NEURL4: variants seen among roughly 807,000 people sequenced by gnomAD.
The protein encoded by NEURL4 is neuralized-like protein 4.
Under a neutral mutation model 148.0 loss-of-function variants are expected in NEURL4, and 45 were observed. The observed-to-expected ratio is 0.30, with a 90% confidence interval of 0.24 to 0.39. NEURL4 has a LOEUF of 0.39. NEURL4 is among the 10% of genes least tolerant of loss of function. The pLI, the probability that NEURL4 is intolerant of heterozygous loss-of-function variation, is 1.00. For synonymous variants in NEURL4, 854 were observed against 869.0 expected (o/e 0.98, Z 0.30); for missense variants, 1,776 against 2,144.0 (o/e 0.83, Z 3.39).
rs754760577 is a variant in NEURL4, at chr17:7,324,767, C to G, written c.1813+32G>C. On this transcript the variant is annotated intron_variant, in intron 9 of 28. Transcript: ENST00000399464. The surrounding 1 kb of genome is among the most constrained non-coding windows in gnomAD (Gnocchi z 5.9). ...TTGGGGATAGCTTCCCCCCAAAACC[C>G]TATCCTGTCCCTGCCCTTCCTGGGA... 1.2e-6 allele frequency: 2 copies of G among 1,612,136 alleles called. No homozygotes were observed. The highest frequency in any genetic ancestry group is 1.7e-5 in the Admixed American group (1 of 59,982).
At position 7,324,001 on chromosome 17, in the gene NEURL4, C is replaced by A. The variant is rs763718220; in HGVS notation, c.2074G>T (p.Val692Phe). The A allele has an allele frequency of 1.9e-6, 3 of 1,609,814 alleles. No individual in the cohort carries two copies. Among genetic ancestry groups the A allele is most frequent in the Non-Finnish European group, 2.5e-6 (3 of 1,180,018 alleles). Reference sequence around the variant, plus strand: ...TTCCCCTCAGGGAGTGGTTCAGGAACTGGAGCCACCTCTGTAAAAGTGGAC... The same window carrying A: ...TTCCCCTCAGGGAGTGGTTCAGGAAATGGAGCCACCTCTGTAAAAGTGGAC... ...TIVDDVEVAP[V>F]PEPLPEGNNQ... Residue 692 changes from valine (V) to phenylalanine (F), a missense_variant, in exon 12 of 29, where the codon GTT becomes TTT. Physicochemically the swap from Val to Phe is conservative, Grantham distance 50. Transcript: ENST00000399464. This position sits in a 1 kb window ranked among gnomAD's most constrained non-coding sequence, Gnocchi z 5.9.
At position 7,321,097 on chromosome 17, in the gene NEURL4, G is replaced by A. The variant is rs1341511264; in HGVS notation, c.3360+15C>T. On this transcript the variant is annotated intron_variant, in intron 20 of 28. Coordinates refer to ENST00000399464, the MANE Select transcript of NEURL4 (RefSeq NM_032442.3). This position sits in a 1 kb window ranked among gnomAD's most constrained non-coding sequence, Gnocchi z 6.3. ...CCCATCCATGTGCACAGCAGACCAT[G>A]CTGCAGCCTCTTACTCCCAGGCCAT... is the stretch of plus-strand genomic sequence containing the variant. 6.2e-7 allele frequency: 1 copy of A among 1,612,218 alleles called. No homozygotes were observed. Among genetic ancestry groups the A allele is most frequent in the South Asian group, 1.1e-5 (1 of 91,006 alleles).
At chr17:7,316,698 C>T (rs932130565) in intron 28 of NEURL4, among the ~76,000 whole-genome samples, 10 of 152,156 alleles carry the variant, frequency 6.6e-5, no homozygotes, top group Admixed American at 3.9e-4. Flanking sequence ...CCGAGGTGGG[C>T]GGATCACGAG....
In NEURL4 at chr17:7,324,696, C is replaced by T; in HGVS notation, c.1813+103G>A. 7.5e-7 allele frequency: 1 copy of T among 1,335,624 alleles called. No individual in the cohort carries two copies. Among genetic ancestry groups the T allele is most frequent in the Non-Finnish European group, 1.1e-6 (1 of 944,664 alleles). The allele number at this position is 1,335,624 out of a possible 1,614,324, so 82.7% of individuals were successfully genotyped here. On this transcript the variant is annotated intron_variant, in intron 9 of 28. Coordinates refer to ENST00000399464, the MANE Select transcript of NEURL4 (RefSeq NM_032442.3). The surrounding 1 kb of genome is among the most constrained non-coding windows in gnomAD (Gnocchi z 5.9). ...TCTCTAGCCACTGAATGAGTGGTCA[C>T]AAGAGTGACAAGTGAAAAAGGAGCT...
Position 7,322,728 on chromosome 17 carries a change from G to T in NEURL4, c.2725+7C>A. The T allele has an allele frequency of 6.2e-7, 1 of 1,609,852 alleles. No individual in the cohort carries two copies. On this transcript the variant is annotated splice_region_variant and intron_variant, in intron 16 of 28. Transcript: ENST00000399464. This position sits in a 1 kb window ranked among gnomAD's most constrained non-coding sequence, Gnocchi z 5.5. ...GAGCCCGTCCAGCCCCCGCCCTGCT[G>T]CCGCACCTGGGGAGTGCAGTGGGAA...
At position 7,322,859 on chromosome 17, in the gene NEURL4, A is replaced by C; in HGVS notation, c.2601T>G (p.Tyr867Ter). ...CSGLPPGKEV[Y>*]AVVDLYGQCV... is the part of the protein sequence containing the mutation. ...ACTGGCCATAGAGATCGACTACCGC[A>C]TACACCTCTGGGGAGGAGAGGGAAG... The change falls in exon 16 of 29, where the codon TAT becomes TAG. Residue 867 changes from tyrosine to a stop codon, truncating the protein, a stop_gained. Transcript: ENST00000399464. LOFTEE classifies it high-confidence loss of function. This position sits in a 1 kb window ranked among gnomAD's most constrained non-coding sequence, Gnocchi z 5.5. The C allele has an allele frequency of 6.2e-7, 1 of 1,613,700 alleles. No homozygotes were observed. Among genetic ancestry groups the C allele is most frequent in the Non-Finnish European group, 8.5e-7 (1 of 1,179,748 alleles).
In NEURL4 at chr17:7,317,228, C is replaced by T. The variant is rs780984154; in HGVS notation, c.4461G>A (p.Ala1487=). ...ACTGCACTTTGGAGGCCAGGGTCTC[C>T]GCCCCAGCATATTGAAGGGAGGGGG... ...LLSPSLQYAG[A]ETLASKVQFR... Residue 1487 remains alanine (A), a synonymous_variant, in exon 28 of 29, where the codon GCG becomes GCA. Coordinates refer to ENST00000399464, the MANE Select transcript of NEURL4 (RefSeq NM_032442.3). The T allele has an allele frequency of 4.4e-5, 66 of 1,517,178 alleles. No homozygotes were observed. The East Asian group carries it at 1.2e-3, about 27-fold the overall frequency. The allele number at this position is 1,517,178 out of a possible 1,614,324, so 94.0% of individuals were successfully genotyped here.
intron 7 of NEURL4, 79 bp from the exon 8 acceptor site, chr17:7,325,552 C>T: frequency 1.9e-6 from 3 of 1,589,492 alleles, no homozygotes; most frequent in South Asian, 1.1e-5. Flanking sequence ...AGGCCAAGCA[C>T]CAAAGAGAAG....
Position 7,322,859 on chromosome 17 carries a change from A to G in NEURL4, c.2601T>C (p.Tyr867=), listed in dbSNP as rs1226257688. 2 of 1,613,582 alleles carry G rather than the reference A, an allele frequency of 1.2e-6. No homozygotes were observed. The highest frequency in any genetic ancestry group is 2.7e-5 in the African/African-American group (2 of 74,838). ...CSGLPPGKEV[Y]AVVDLYGQCV... ...ACTGGCCATAGAGATCGACTACCGC[A>G]TACACCTCTGGGGAGGAGAGGGAAG... The change falls in exon 16 of 29, where the codon TAT becomes TAC. Residue 867 remains tyrosine (Y), a synonymous_variant. Transcript: ENST00000399464. The surrounding 1 kb of genome is among the most constrained non-coding windows in gnomAD (Gnocchi z 5.5).
In NEURL4 at chr17:7,321,093, C is replaced by A. The variant is rs1227404814; in HGVS notation, c.3360+19G>T. 3 of 1,611,782 alleles carry A rather than the reference C, an allele frequency of 1.9e-6. No homozygotes were observed. Among genetic ancestry groups the A allele is most frequent in the Non-Finnish European group, 2.5e-6 (3 of 1,178,824 alleles). On this transcript the variant is annotated intron_variant, in intron 20 of 28. Coordinates refer to ENST00000399464, the MANE Select transcript of NEURL4 (RefSeq NM_032442.3). This position sits in a 1 kb window ranked among gnomAD's most constrained non-coding sequence, Gnocchi z 6.3. ...ACTGCCCATCCATGTGCACAGCAGA[C>A]CATGCTGCAGCCTCTTACTCCCAGG...
chr17:7,317,299 T>G lies in NEURL4; in HGVS notation c.4390A>C (p.Asn1464His), dbSNP rs763275059. Residue 1464 changes from asparagine (N) to histidine (H), a missense_variant, in exon 28 of 29, where the codon AAC becomes CAC. Coordinates refer to ENST00000399464, the MANE Select transcript of NEURL4 (RefSeq NM_032442.3). The stretch of plus-strand genomic sequence containing the variant: ...TGCTCCTCCCGAGGAGGTGCACAGT[T>G]CTCGCCAGGCTCCTCGAACCCTACC... The part of the protein sequence containing the change: ...PGVGFEEPGE[N>H]CAPPREEQPP... The G allele has an allele frequency of 2.3e-5, 36 of 1,533,942 alleles. No homozygotes were observed. The highest frequency in any genetic ancestry group is 3.0e-5 in the Non-Finnish European group (34 of 1,140,544).
chr17:7,328,836 C>T (rs2073136428), intron 1 of NEURL4, among the ~76,000 whole-genome samples, 195 bp downstream of exon 1: 2 of 152,144 alleles, frequency 1.3e-5, no homozygotes. Flanking sequence ...TGAGAAAACT[C>T]AAGCTCTTAA....
Position 7,326,161 on chromosome 17 carries a change from G to A in NEURL4, c.1293+94C>T. ...TGGAAGATACAGGGACTGCCTCTAG[G>A]TCACATAGGAGACCCTGCTTGGTGC... is the stretch of plus-strand genomic sequence containing the variant. On this transcript the variant is annotated intron_variant, in intron 6 of 28. Transcript: ENST00000399464. This position sits in a 1 kb window ranked among gnomAD's most constrained non-coding sequence, Gnocchi z 6.0. The A allele has an allele frequency of 8.4e-7, 1 of 1,197,120 alleles. No individual in the cohort carries two copies. The highest frequency in any genetic ancestry group is 2.5e-5 in the East Asian group (1 of 39,638). The allele number at this position is 1,197,120 out of a possible 1,614,324, so 74.2% of individuals were successfully genotyped here.
At position 7,318,407 on chromosome 17, in the gene NEURL4, C is replaced by T. The variant is rs112774750; in HGVS notation, c.3865-51G>A. 6.4e-3 allele frequency: 10,373 copies of T among 1,608,856 alleles called. 590 individuals are homozygous for T. The African/African-American group carries it at 0.12, about 19-fold the overall frequency. ...GAGCTTGGTCAGACCCCAGGGCCTG[C>T]TGATCCCTCCCTGGAACAGAGATTT... is the stretch of plus-strand genomic sequence containing the variant. On this transcript the variant is annotated intron_variant, in intron 23 of 28. Transcript: ENST00000399464. This position sits in a 1 kb window ranked among gnomAD's most constrained non-coding sequence, Gnocchi z 4.3.
In NEURL4 at chr17:7,325,330, C is replaced by G. The variant is rs1400434800; in HGVS notation, c.1510G>C (p.Glu504Gln). 1 of 1,613,392 alleles carries G rather than the reference C, an allele frequency of 6.2e-7. No individual in the cohort carries two copies. The highest frequency in any genetic ancestry group is 1.7e-5 in the Admixed American group (1 of 59,842). ...NNAILRALSPEGALRRAAPAA... is the reference protein window; with the variant it reads ...NNAILRALSPQGALRRAAPAA... ...GGGGCAGCACGGCGGAGAGCACCCT[C>G]GGGGGACAGCGCCCGCAGGATGGCG... Residue 504 changes from glutamate (E) to glutamine (Q), a missense_variant, in exon 8 of 29, where the codon GAG becomes CAG. Glu to Gln is a conservative substitution (Grantham distance 29, BLOSUM62 2). Transcript: ENST00000399464.
rs534265619 is a variant in NEURL4, at chr17:7,320,897, G to A, written c.3387C>T (p.Pro1129=). 3 of 1,614,078 alleles carry A rather than the reference G, an allele frequency of 1.9e-6. No homozygotes were observed. Among genetic ancestry groups the A allele is most frequent in the East Asian group, 2.2e-5 (1 of 44,884 alleles). ...LGGQNEVGII[P]TTLEFLENHG... ...GGTTCTCCAGGAACTCGAGGGTGGT[G>A]GGTATAATACCCACTTCATTCTGGC... Residue 1129 remains proline (P), a synonymous_variant, in exon 21 of 29, where the codon CCC becomes CCT. Transcript: ENST00000399464.
chr17:7,325,503 G>A (rs2073092858), intron 7 of NEURL4, 30 bp from the exon 8 acceptor site: 1 of 1,605,778 alleles, frequency 6.2e-7, no homozygotes, highest in African/African-American at 1.3e-5. Context: ...GGGTGTGGGA[G>A]TGGACAGGGA....
Position 7,320,801 on chromosome 17 carries a change from G to C in NEURL4, c.3483C>G (p.Ile1161Met). ...GCACCAGAGGTTGGTTGATGACAAC[G>C]ATGCCCTGATTGTAGCTGGCCACCC... ...ATRVASYNQG[I>M]VVINQPLVPQ... The change falls in exon 21 of 29, where the codon ATC becomes ATG. Residue 1161 changes from isoleucine to methionine, a missense_variant. Physicochemically the swap from Ile to Met is conservative, Grantham distance 10. Transcript: ENST00000399464. The C allele has an allele frequency of 6.2e-7, 1 of 1,614,116 alleles. No individual in the cohort carries two copies. Among genetic ancestry groups the C allele is most frequent in the East Asian group, 2.2e-5 (1 of 44,890 alleles).
chr17:7,323,352 A>G, intron 14 of NEURL4, 133 bp downstream of exon 14: 2 of 1,022,934 alleles, frequency 2.0e-6, no homozygotes, highest in East Asian at 5.1e-5. Flanking sequence ...ACTTCCCAGA[A>G]TTCAAGGGGA....
Sources: allele counts gnomAD v4.1 joint callset (sites outside exome capture counted in the v4.1 genomes callset), GRCh38; gene constraint gnomAD v4.1.1; non-coding constraint Gnocchi (gnomAD v3.1); transcripts MANE v1.5; gene names NCBI Gene and HGNC (gene_info 2026-07-23, HGNC 2026-07-21).